NEGR1: variants seen among roughly 807,000 people sequenced by gnomAD.
The protein encoded by NEGR1 is IgLON family member 4.
NEGR1 carries 10 observed loss-of-function variants against 40.9 expected under a neutral mutation model. The ratio of observed to expected loss-of-function variants is 0.24; its 90% CI spans 0.15 to 0.42. The LOEUF is 0.42. NEGR1 is among the 10% of genes least tolerant of loss of function. The probability of loss-of-function intolerance (pLI) is 1.00; values close to 1 mark genes in which losing one functional copy is unlikely to be tolerated. For missense variants in NEGR1, 352 were observed against 438.9 expected (o/e 0.80, Z 1.77); for synonymous variants, 185 against 166.8 (o/e 1.11, Z -0.84).
chr1:71,734,447 C>T lies in NEGR1; in HGVS notation c.536-36308G>A, dbSNP rs142311343. Reference sequence around the variant, plus strand: ...TTTATATAAAGTGACAAAAATACTGCCTAGCATGTAGTAAGAGCTCAATAA... The same window carrying T: ...TTTATATAAAGTGACAAAAATACTGTCTAGCATGTAGTAAGAGCTCAATAA... On this transcript the variant is annotated intron_variant, in intron 3 of 6. Transcript: ENST00000357731. Among the ~76,000 whole-genome samples, 385 of 152,070 alleles carry T rather than the reference C, an allele frequency of 2.5e-3. 1 individual carries two copies. Among genetic ancestry groups the T allele is most frequent in the African/African-American group, 9.0e-3 (373 of 41,426 alleles).
chr1:71,471,925 G>T (rs547669883), intron 6 of NEGR1, among the ~76,000 whole-genome samples: 2 of 152,102 alleles, frequency 1.3e-5, no homozygotes, highest in South Asian at 4.2e-4. Context: ...GCTGAACCCA[G>T]CTGTCTTTCT....
intron 1 of NEGR1, among the ~76,000 whole-genome samples, chr1:72,208,058 A>G (rs1317960385): frequency 6.6e-6 from 1 of 151,718 alleles, no homozygotes; most frequent in African/African-American, 2.4e-5. Context: ...AGAAAAAAAA[A>G]GTTGATCGGT....
intron 1 of NEGR1, among the ~76,000 whole-genome samples, chr1:72,176,540 C>G (rs2100404543): frequency 6.6e-6 from 1 of 152,170 alleles, no homozygotes; most frequent in African/African-American, 2.4e-5. Context: ...GTCACACTCA[C>G]TGATCTAATT....
intron 2 of NEGR1, among the ~76,000 whole-genome samples, chr1:71,911,575 A>G (rs781315796): frequency 6.6e-6 from 1 of 152,208 alleles, no homozygotes; most frequent in Non-Finnish European, 1.5e-5. Context: ...TTTTGAGAGC[A>G]CCAATACCAG....
intron 2 of NEGR1, among the ~76,000 whole-genome samples, chr1:71,835,658 C>A (rs1255559994): frequency 1.3e-5 from 2 of 152,086 alleles, no homozygotes; most frequent in South Asian, 4.1e-4. Flanking sequence ...TTGCAAATTT[C>A]TTGAATCTTG....
chr1:71,863,391 A>T (rs1490685648), intron 2 of NEGR1, among the ~76,000 whole-genome samples: 2 of 152,108 alleles, frequency 1.3e-5, no homozygotes, highest in African/African-American at 4.8e-5. Flanking sequence ...GTGGGAGATG[A>T]CTGATGAGAA....
intron 1 of NEGR1, among the ~76,000 whole-genome samples, chr1:72,126,033 A>G (rs1238543914): frequency 6.6e-6 from 1 of 151,386 alleles, no homozygotes; most frequent in Non-Finnish European, 1.5e-5. Flanking sequence ...ATCTACCAAG[A>G]CTGTTAGGGA....
chr1:71,632,592 G>T (rs2101565793), intron 4 of NEGR1, among the ~76,000 whole-genome samples: 1 of 151,136 alleles, frequency 6.6e-6, no homozygotes, highest in Non-Finnish European at 1.5e-5. Context: ...ACTGAATATT[G>T]ATTGATATAG....
chr1:71,792,225 T>C (rs1293540877), intron 2 of NEGR1, among the ~76,000 whole-genome samples: 3 of 152,162 alleles, frequency 2.0e-5, no homozygotes, highest in African/African-American at 7.2e-5. Context: ...AAGAGACTAC[T>C]GTTTGCTATT....
At chr1:72,235,232 G>A (rs918433589) in intron 1 of NEGR1, among the ~76,000 whole-genome samples, 9 of 152,114 alleles carry the variant, frequency 5.9e-5, no homozygotes, top group African/African-American at 2.2e-4. Flanking sequence ...CGTCAGGAAA[G>A]CACAGACGTC....
chr1:71,675,020 G>T (rs1347585771), intron 4 of NEGR1, among the ~76,000 whole-genome samples: 1 of 149,236 alleles, frequency 6.7e-6, no homozygotes, highest in African/African-American at 2.4e-5. Flanking sequence ...TATACCAGAT[G>T]TTGTATATAT....
At chr1:72,001,796 G>A (rs1260584315) in intron 1 of NEGR1, among the ~76,000 whole-genome samples, 2 of 151,788 alleles carry the variant, frequency 1.3e-5, no homozygotes, top group Non-Finnish European at 2.9e-5. Flanking sequence ...AATACAATGT[G>A]CTAAAAATGT....
At chr1:71,491,529 CAAGA>C (rs1646927402) in intron 6 of NEGR1, among the ~76,000 whole-genome samples, 1 of 148,906 alleles carries the variant, frequency 6.7e-6, no homozygotes, top group Non-Finnish European at 1.5e-5. Context: ...GAGGGGGAGG[CAAGA>C]AAAGACACAT....
intron 3 of NEGR1, among the ~76,000 whole-genome samples, chr1:71,743,948 A>G (rs944905952): frequency 6.6e-6 from 1 of 152,194 alleles, no homozygotes; most frequent in East Asian, 1.9e-4. Context: ...TCTGTCAAGA[A>G]TTGGAAATAT....
chr1:71,425,796 T>A (rs1304536289), intron 6 of NEGR1, among the ~76,000 whole-genome samples: 1 of 152,144 alleles, frequency 6.6e-6, no homozygotes. Flanking sequence ...ATGGCAAATT[T>A]GGACAAACGT....
In NEGR1 at chr1:71,969,536, C is replaced by T. The variant is rs537643134; in HGVS notation, c.177-34225G>A. ...CAAGCAACCCAGTCAATCACATTTT[C>T]TGCCATGACAGCCCTACCATGCAGA... On this transcript the variant is annotated intron_variant, in intron 1 of 6. Transcript: ENST00000357731. 1.0e-3 allele frequency among the ~76,000 whole-genome samples: 154 copies of T among 152,306 alleles called. 1 individual carries two copies. Among genetic ancestry groups the T allele is most frequent in the African/African-American group, 3.6e-3 (148 of 41,566 alleles).
chr1:72,052,247 A>G (rs1032331097), intron 1 of NEGR1, among the ~76,000 whole-genome samples: 1 of 151,386 alleles, frequency 6.6e-6, no homozygotes, highest in African/African-American at 2.4e-5. Flanking sequence ...TATTCCAGAA[A>G]AATGCCTTTG....
At chr1:71,455,050 AC>A (rs980752650) in intron 6 of NEGR1, among the ~76,000 whole-genome samples, 1 of 152,198 alleles carries the variant, frequency 6.6e-6, no homozygotes, top group Non-Finnish European at 1.5e-5. Context: ...CAAAGGACTT[AC>A]ATTTTGAATA....
chr1:72,072,275 C>G (rs888203415), intron 1 of NEGR1, among the ~76,000 whole-genome samples: 1 of 152,096 alleles, frequency 6.6e-6, no homozygotes, highest in Non-Finnish European at 1.5e-5. Flanking sequence ...TTATTCATCT[C>G]CATCACCAGA....
Sources: gnomAD v4.1 joint callset for allele counts (sites outside exome capture counted in the v4.1 genomes callset) on GRCh38, gnomAD v4.1.1 for gene constraint, MANE v1.5 for transcripts, NCBI Gene and HGNC (gene_info 2026-07-23, HGNC 2026-07-21) for gene names.